ANKRD9: variants seen among roughly 807,000 people sequenced by gnomAD.
ANKRD9 encodes the protein ankyrin repeat domain-containing protein 9.
A neutral mutation model predicts 19.2 loss-of-function variants in ANKRD9; 13 were observed. That is an observed-to-expected ratio of 0.68 (90% CI 0.44 to 1.08). The LOEUF is 1.08. ANKRD9 is among the 50% of genes least tolerant of loss of function. The probability of loss-of-function intolerance (pLI) is 0.00; values close to 1 mark genes in which losing one functional copy is unlikely to be tolerated. For synonymous variants in ANKRD9, 278 were observed against 256.8 expected (o/e 1.08, Z -0.79); for missense variants, 518 against 499.9 (o/e 1.04, Z -0.34).
rs1451131248 is a variant in ANKRD9, at chr14:102,501,786, T to TA, written c.*5149dup. 2.6e-5 allele frequency: 4 copies of TA among 152,094 alleles called. No individual in the cohort carries two copies. The highest frequency in any genetic ancestry group is 2.6e-4 in the Admixed American group (4 of 15,266). 9.4% of individuals were successfully genotyped at this position (152,094 alleles called of 1,614,324 possible). Reference sequence around the variant, plus strand: ...TAAAGCTTTCCATAAATATATTTATTAAAAACCAATAGGAGGAGCACTTCG... The same window carrying TA: ...TAAAGCTTTCCATAAATATATTTATTAAAAAACCAATAGGAGGAGCACTTCG... On this transcript the variant is annotated 3_prime_UTR_variant, in exon 4 of 4. Coordinates refer to ENST00000286918, the MANE Select transcript of ANKRD9 (RefSeq NM_152326.4).
rs1487707865 is a variant in ANKRD9 at position 102,507,497 on chromosome 14, G to A, written c.393C>T (p.Arg131=). 1.4e-6 allele frequency: 2 copies of A among 1,380,924 alleles called. No individual in the cohort carries two copies. Among genetic ancestry groups the A allele is most frequent in the Non-Finnish European group, 1.9e-6 (2 of 1,065,240 alleles). 85.5% of individuals were successfully genotyped at this position (1,380,924 alleles called of 1,614,324 possible). Residue 131 remains arginine (R), a synonymous_variant, in exon 4 of 4, where the codon CGC becomes CGT. Coordinates refer to ENST00000286918, the MANE Select transcript of ANKRD9 (RefSeq NM_152326.4). The surrounding 1 kb of genome is among the most constrained non-coding windows in gnomAD (Gnocchi z 9.2). ...VRYNRVGILR[R]ILRTLRDFPA... is the part of the protein sequence containing the mutation. Reference sequence around the variant, plus strand: ...GGAAGTCGCGCAAGGTGCGCAGGATGCGGCGCAGAATGCCCACGCGGTTGT... The same window carrying A: ...GGAAGTCGCGCAAGGTGCGCAGGATACGGCGCAGAATGCCCACGCGGTTGT...
Position 102,507,974 on chromosome 14 carries a change from G to A in ANKRD9, c.-53-32C>T. 1 of 1,076,568 alleles carries A rather than the reference G, an allele frequency of 9.3e-7. No homozygotes were observed. The highest frequency in any genetic ancestry group is 1.1e-6 in the Non-Finnish European group (1 of 879,570). The allele number at this position is 1,076,568 out of a possible 1,614,324, so 66.7% of individuals were successfully genotyped here. ...GGAAAGGAAGAGGCCACGGTGAGGC[G>A]CGGGGAAACTGGGGAGGCCCGGGGA... is the stretch of plus-strand genomic sequence containing the variant. On this transcript the variant is annotated intron_variant, in intron 3 of 3. Transcript: ENST00000286918. The surrounding 1 kb of genome is among the most constrained non-coding windows in gnomAD (Gnocchi z 9.2).
Position 102,505,813 on chromosome 14 carries a change from GC to G in ANKRD9, c.*1122del, listed in dbSNP as rs972190944. On this transcript the variant is annotated 3_prime_UTR_variant, in exon 4 of 4. Transcript: ENST00000286918. ...GCTGGGGGCAGGGTGGGCAGCAGGT[GC>G]CCCCCACCAGGATAGTGGTTCTTCC... 3 of 152,326 alleles carry G rather than the reference GC, an allele frequency of 2.0e-5. No individual in the cohort carries two copies. Among genetic ancestry groups the G allele is most frequent in the African/African-American group, 4.8e-5 (2 of 41,412 alleles). The allele number at this position is 152,326 out of a possible 1,614,324, so 9.4% of individuals were successfully genotyped here. A position where few individuals can be genotyped will look rare whatever the true frequency, so the allele number is the denominator to read the frequency against.
In ANKRD9 at chr14:102,507,032, C is replaced by G. The variant is rs1489948800; in HGVS notation, c.858G>C (p.Leu286=). The G allele has an allele frequency of 1.3e-6, 2 of 1,583,284 alleles. No individual in the cohort carries two copies. The highest frequency in any genetic ancestry group is 1.4e-5 in the African/African-American group (1 of 73,014). Residue 286 remains leucine, a synonymous_variant, in exon 4 of 4, where the codon CTG becomes CTC. Transcript: ENST00000286918. This position sits in a 1 kb window ranked among gnomAD's most constrained non-coding sequence, Gnocchi z 9.2. ...AGCGGCCTGGAGAGATGGCGGTGAC[C>G]AGCACCTGCATGGCGCGCGCGAAGA... ...PSLFARAMQV[L]VTAISPGRFP... is the part of the protein sequence containing the mutation.
chr14:102,507,827 C>G lies in ANKRD9; in HGVS notation c.63G>C (p.Ala21=). ...ACTGCTTCTGCGCTCGCGAGCGCGC[C>G]GCGCCCGAGGCCTCGGGCCCGCCGT... is the stretch of plus-strand genomic sequence containing the variant. The part of the protein sequence containing the change: ...GADGGPEASG[A]ARSRAQKQCR... The change falls in exon 4 of 4, where the codon GCG becomes GCC. Residue 21 remains alanine (A), a synonymous_variant. Transcript: ENST00000286918. The surrounding 1 kb of genome is among the most constrained non-coding windows in gnomAD (Gnocchi z 9.2). 1 of 1,371,908 alleles carries G rather than the reference C, an allele frequency of 7.3e-7. No individual in the cohort carries two copies. Among genetic ancestry groups the G allele is most frequent in the Non-Finnish European group, 9.6e-7 (1 of 1,046,634 alleles). 85.0% of individuals were successfully genotyped at this position (1,371,908 alleles called of 1,614,324 possible).
At position 102,504,652 on chromosome 14, in the gene ANKRD9, C is replaced by G. The variant is rs1304350400; in HGVS notation, c.*2284G>C. 6.6e-6 allele frequency: 1 copy of G among 152,444 alleles called. No individual in the cohort carries two copies. Among genetic ancestry groups the G allele is most frequent in the Non-Finnish European group, 1.5e-5 (1 of 68,216 alleles). 9.4% of individuals were successfully genotyped at this position (152,444 alleles called of 1,614,324 possible). ...GCAGGGGGTCCTGAACCACAGATCC[C>G]TGGAGACTCAGTGGGAGCAGCTGTA... is the stretch of plus-strand genomic sequence containing the variant. On this transcript the variant is annotated 3_prime_UTR_variant, in exon 4 of 4. Transcript: ENST00000286918.
At position 102,507,558 on chromosome 14, in the gene ANKRD9, G is replaced by A. The variant is rs760824032; in HGVS notation, c.332C>T (p.Ala111Val). 3.0e-6 allele frequency: 4 copies of A among 1,351,466 alleles called. No individual in the cohort carries two copies. Among genetic ancestry groups the A allele is most frequent in the Non-Finnish European group, 3.8e-6 (4 of 1,052,132 alleles). The allele number at this position is 1,351,466 out of a possible 1,614,324, so 83.7% of individuals were successfully genotyped here. A position where few individuals can be genotyped will look rare whatever the true frequency, so the allele number is the denominator to read the frequency against. The change falls in exon 4 of 4, where the codon GCG becomes GTG. Residue 111 changes from alanine to valine, a missense_variant. Transcript: ENST00000286918. The surrounding 1 kb of genome is among the most constrained non-coding windows in gnomAD (Gnocchi z 9.2). ...APPSAGFRCC[A>V]APGPHVALAV... ...CAGCGCCACGTGCGGCCCGGGAGCC[G>A]CGCAGCAGCGGAAGCCGGCACTGGG... is the stretch of plus-strand genomic sequence containing the variant.
chr14:102,506,868 T>C lies in ANKRD9; in HGVS notation c.*68A>G. 7.2e-7 allele frequency: 1 copy of C among 1,382,982 alleles called. No individual in the cohort carries two copies. The highest frequency in any genetic ancestry group is 2.9e-5 in the East Asian group (1 of 35,030). The allele number at this position is 1,382,982 out of a possible 1,614,324, so 85.7% of individuals were successfully genotyped here. On this transcript the variant is annotated 3_prime_UTR_variant, in exon 4 of 4. Transcript: ENST00000286918. ...TGTGCCGTACAGAGATCAATATATA[T>C]AAAGTGCCGGTACAACGCTCTGAAA...
chr14:102,509,192 C>T (rs1053101319), intron 1 of ANKRD9: 6 of 152,246 alleles, frequency 3.9e-5, no homozygotes, highest in Non-Finnish European at 7.3e-5. Context: ...AAGCCTGGGC[C>T]TCCGGGCCCC....
chr14:102,506,860 AAT>A lies in ANKRD9; in HGVS notation c.*74_*75del. 1.5e-6 allele frequency: 2 copies of A among 1,365,524 alleles called. No individual in the cohort carries two copies. The highest frequency in any genetic ancestry group is 1.9e-6 in the Non-Finnish European group (2 of 1,059,800). The allele number at this position is 1,365,524 out of a possible 1,614,324, so 84.6% of individuals were successfully genotyped here. On this transcript the variant is annotated 3_prime_UTR_variant, in exon 4 of 4. Transcript: ENST00000286918. The stretch of plus-strand genomic sequence containing the variant: ...GCAGAGATTGTGCCGTACAGAGATC[AAT>A]ATATATAAAGTGCCGGTACAACGCT...
At position 102,505,278 on chromosome 14, in the gene ANKRD9, C is replaced by CG. The variant is rs1555456296; in HGVS notation, c.*1657_*1658insC. ...ACCCTCCAAAGGAGAGGCACCTCCC[C>CG]CCCCCATGGCATCTCCAATCTGAGG... On this transcript the variant is annotated 3_prime_UTR_variant, in exon 4 of 4. Coordinates refer to ENST00000286918, the MANE Select transcript of ANKRD9 (RefSeq NM_152326.4). The CG allele has an allele frequency of 2.6e-5, 4 of 152,080 alleles. No individual in the cohort carries two copies. The highest frequency in any genetic ancestry group is 6.5e-5 in the Admixed American group (1 of 15,268). 9.4% of individuals were successfully genotyped at this position (152,080 alleles called of 1,614,324 possible). A position where few individuals can be genotyped will look rare whatever the true frequency, so the allele number is the denominator to read the frequency against.
Position 102,507,037 on chromosome 14 carries a change from C to T in ANKRD9, c.853G>A (p.Val285Met). The T allele has an allele frequency of 6.3e-7, 1 of 1,582,582 alleles. No individual in the cohort carries two copies. The highest frequency in any genetic ancestry group is 1.4e-5 in the African/African-American group (1 of 73,232). ...CCTGGAGAGATGGCGGTGACCAGCA[C>T]CTGCATGGCGCGCGCGAAGAGCGAG... Reference protein sequence around the residue: ...PPSLFARAMQVLVTAISPGRF... With the variant: ...PPSLFARAMQMLVTAISPGRF... Residue 285 changes from valine (V) to methionine (M), a missense_variant, in exon 4 of 4, where the codon GTG becomes ATG. Val to Met is a conservative substitution (Grantham distance 21). Coordinates refer to ENST00000286918, the MANE Select transcript of ANKRD9 (RefSeq NM_152326.4). The surrounding 1 kb of genome is among the most constrained non-coding windows in gnomAD (Gnocchi z 9.2).
rs1231677908 is a variant in ANKRD9 at position 102,507,966 on chromosome 14, G to A, written c.-53-24C>T. 5 of 1,083,900 alleles carry A rather than the reference G, an allele frequency of 4.6e-6. No individual in the cohort carries two copies. Among genetic ancestry groups the A allele is most frequent in the African/African-American group, 1.7e-5 (1 of 58,760 alleles). The allele number at this position is 1,083,900 out of a possible 1,614,324, so 67.1% of individuals were successfully genotyped here. ...ACCTGCGGGGAAAGGAAGAGGCCAC[G>A]GTGAGGCGCGGGGAAACTGGGGAGG... On this transcript the variant is annotated intron_variant, in intron 3 of 3. Transcript: ENST00000286918. The surrounding 1 kb of genome is among the most constrained non-coding windows in gnomAD (Gnocchi z 9.2).
Position 102,504,265 on chromosome 14 carries a change from T to G in ANKRD9, c.*2671A>C, listed in dbSNP as rs1056440739. The G allele has an allele frequency of 6.6e-6, 1 of 152,434 alleles. No homozygotes were observed. Among genetic ancestry groups the G allele is most frequent in the African/African-American group, 2.4e-5 (1 of 41,472 alleles). 9.4% of individuals were successfully genotyped at this position (152,434 alleles called of 1,614,324 possible). A position where few individuals can be genotyped will look rare whatever the true frequency, so the allele number is the denominator to read the frequency against. On this transcript the variant is annotated 3_prime_UTR_variant, in exon 4 of 4. Coordinates refer to ENST00000286918, the MANE Select transcript of ANKRD9 (RefSeq NM_152326.4). ...GGACCGGCTGCAGCCATGTTTCCCT[T>G]AGAAACAGACTGCTGGAATTAACGA...
chr14:102,505,506 G>C lies in ANKRD9; in HGVS notation c.*1430C>G, dbSNP rs1398751294. ...CTCCATCCTTCCCTCCCCACAACCA[G>C]GGCTGTAGGCCCACCTAACACACCA... On this transcript the variant is annotated 3_prime_UTR_variant, in exon 4 of 4. Coordinates refer to ENST00000286918, the MANE Select transcript of ANKRD9 (RefSeq NM_152326.4). 6.6e-6 allele frequency: 1 copy of C among 152,334 alleles called. No individual in the cohort carries two copies. The highest frequency in any genetic ancestry group is 1.5e-5 in the Non-Finnish European group (1 of 68,116). The allele number at this position is 152,334 out of a possible 1,614,324, so 9.4% of individuals were successfully genotyped here. A position where few individuals can be genotyped will look rare whatever the true frequency, so the allele number is the denominator to read the frequency against.
chr14:102,502,595 A>G lies in ANKRD9; in HGVS notation c.*4341T>C, dbSNP rs1006350893. ...AAAGTACAATGGGGGAAATGCTTATACTACATTAAGGTTAAAAAAATACTA... is the reference window on the plus strand; with the variant it reads ...AAAGTACAATGGGGGAAATGCTTATGCTACATTAAGGTTAAAAAAATACTA... On this transcript the variant is annotated 3_prime_UTR_variant, in exon 4 of 4. Transcript: ENST00000286918. The G allele has an allele frequency of 3.3e-5, 5 of 152,426 alleles. No individual in the cohort carries two copies. The allele number at this position is 152,426 out of a possible 1,614,324, so 9.4% of individuals were successfully genotyped here.
In ANKRD9 at chr14:102,507,451, C is replaced by T. The variant is rs1891641715; in HGVS notation, c.439G>A (p.Val147Met). The T allele has an allele frequency of 7.2e-7, 1 of 1,395,590 alleles. No homozygotes were observed. Among genetic ancestry groups the T allele is most frequent in the Non-Finnish European group, 9.3e-7 (1 of 1,070,850 alleles). The allele number at this position is 1,395,590 out of a possible 1,614,324, so 86.5% of individuals were successfully genotyped here. Reference protein sequence around the residue: ...RDFPAEERARVLDRRGCSRVE... With the variant: ...RDFPAEERARMLDRRGCSRVE... ...CGGCTGCAGCCACGCCGGTCCAGCA[C>T]GCGCGCCCGCTCCTCGGCCGGGAAG... The change falls in exon 4 of 4, where the codon GTG becomes ATG. Residue 147 changes from valine to methionine, a missense_variant. Val to Met is a conservative substitution (Grantham distance 21). Transcript: ENST00000286918. The surrounding 1 kb of genome is among the most constrained non-coding windows in gnomAD (Gnocchi z 9.2).
In ANKRD9 at chr14:102,507,341, G is replaced by A; in HGVS notation, c.549C>T (p.Ala183=). 2 of 1,315,718 alleles carry A rather than the reference G, an allele frequency of 1.5e-6. No homozygotes were observed. Among genetic ancestry groups the A allele is most frequent in the Non-Finnish European group, 9.7e-7 (1 of 1,028,844 alleles). 81.5% of individuals were successfully genotyped at this position (1,315,718 alleles called of 1,614,324 possible). The change falls in exon 4 of 4, where the codon GCC becomes GCT. Residue 183 remains alanine, a synonymous_variant. Coordinates refer to ENST00000286918, the MANE Select transcript of ANKRD9 (RefSeq NM_152326.4). The surrounding 1 kb of genome is among the most constrained non-coding windows in gnomAD (Gnocchi z 9.2). ...CGCCGCCGTCCCGCAGACCGGGCGAGGCGCCGTGGCCCAGCAGCAGGAAGA... is the reference window on the plus strand; with the variant it reads ...CGCCGCCGTCCCGCAGACCGGGCGAAGCGCCGTGGCCCAGCAGCAGGAAGA... ...ECLFLLLGHG[A]SPGLRDGGGL... is the part of the protein sequence containing the mutation.
chr14:102,507,770 C>T lies in ANKRD9; in HGVS notation c.120G>A (p.Ala40=). ...GCCACACGGGTAGCAGGTCGCGCAC[C>T]GCCTGGTAGAAGGCGAACGACGACT... ...CRKSSFAFYQ[A]VRDLLPVWLL... Residue 40 remains alanine, a synonymous_variant, in exon 4 of 4, where the codon GCG becomes GCA. Transcript: ENST00000286918. The surrounding 1 kb of genome is among the most constrained non-coding windows in gnomAD (Gnocchi z 9.2). 6.8e-7 allele frequency: 1 copy of T among 1,477,252 alleles called. No homozygotes were observed. 91.5% of individuals were successfully genotyped at this position (1,477,252 alleles called of 1,614,324 possible).
Sources: gnomAD v4.1 joint callset for allele counts on GRCh38, gnomAD v4.1.1 for gene constraint, Gnocchi (gnomAD v3.1) non-coding constraint, MANE v1.5 for transcripts, NCBI Gene and HGNC (gene_info 2026-07-23, HGNC 2026-07-21) for gene names.